SLC38A8: variants seen among roughly 807,000 people sequenced by gnomAD.
The protein encoded by SLC38A8 is solute carrier family 38 member 8, also known as amino acid transporter SLC38A8.
SLC38A8 carries 65 observed loss-of-function variants against 46.0 expected under a neutral mutation model. That is an observed-to-expected ratio of 1.41 (90% CI 1.16 to 1.74). The LOEUF is 1.74. Among genes scored for constraint, SLC38A8 ranks in the 40% most tolerant of loss-of-function variants. The pLI is 0.00. For synonymous variants in SLC38A8, 447 were observed against 243.7 expected (o/e 1.83, Z -7.77); for missense variants, 998 against 567.9 (o/e 1.76, Z -7.70).
chr16:84,015,932 G>C (rs1402565112), intron 9 of SLC38A8, among the ~76,000 whole-genome samples: 1 of 152,210 alleles, frequency 6.6e-6, no homozygotes, highest in African/African-American at 2.4e-5. Context: ...GCCTGCCTCG[G>C]CCTCCCAAAG....
intron 7 of SLC38A8, among the ~76,000 whole-genome samples, chr16:84,020,508 G>A (rs1003075186): frequency 7.9e-5 from 12 of 152,182 alleles, no homozygotes; most frequent in Non-Finnish European, 1.5e-4. Flanking sequence ...CTCGCTATCT[G>A]CCAGCCTGCA....
rs1321303002 is a variant in SLC38A8 at position 84,039,755 on chromosome 16, A to C, written c.189+2214T>G. Among the ~76,000 whole-genome samples, 6 of 123,996 alleles carry C rather than the reference A, an allele frequency of 4.8e-5. No homozygotes were observed. The East Asian group carries it at 9.8e-4, about 20-fold the overall frequency. The allele number at this position is 123,996 out of a possible 152,430, so 81.3% of individuals were successfully genotyped here. On this transcript the variant is annotated intron_variant, in intron 2 of 10. Coordinates refer to ENST00000299709, the MANE Select transcript of SLC38A8 (RefSeq NM_001080442.3). ...AGAGTGAGACCTTCAAAAAAAAAAAAAAAAAAAAAAAAAGGCAGGGGAAGG... is the reference window on the plus strand; with the variant it reads ...AGAGTGAGACCTTCAAAAAAAAAAACAAAAAAAAAAAAAGGCAGGGGAAGG...
intron 7 of SLC38A8, among the ~76,000 whole-genome samples, chr16:84,022,568 G>A (rs531031269): frequency 6.6e-5 from 10 of 152,286 alleles, no homozygotes; most frequent in Admixed American, 2.0e-4. Flanking sequence ...GTGAAACCTC[G>A]AACAAGTTCT....
intron 3 of SLC38A8, among the ~76,000 whole-genome samples, chr16:84,035,407 C>T (rs181401994): frequency 1.6e-4 from 25 of 152,330 alleles, no homozygotes; most frequent in Non-Finnish European, 8.8e-5. Context: ...AGAACACACA[C>T]ATGGCAAAAT....
intron 9 of SLC38A8, among the ~76,000 whole-genome samples, chr16:84,016,213 C>T (rs1010143129): frequency 6.6e-6 from 1 of 152,210 alleles, no homozygotes; most frequent in African/African-American, 2.4e-5. Flanking sequence ...GAACCATCCC[C>T]ATGATTCAAC....
In SLC38A8 at chr16:84,019,393, A is replaced by T. The variant is rs183115464; in HGVS notation, c.806-2106T>A. ...CCAGCCTCCAATATTTTTAACCCGAAATAATTAATGTACCAATTTGGCATA... is the reference window on the plus strand; with the variant it reads ...CCAGCCTCCAATATTTTTAACCCGATATAATTAATGTACCAATTTGGCATA... On this transcript the variant is annotated intron_variant, in intron 7 of 10. Coordinates refer to ENST00000299709, the MANE Select transcript of SLC38A8 (RefSeq NM_001080442.3). Among the ~76,000 whole-genome samples the T allele has an allele frequency of 6.1e-3, 922 of 152,206 alleles. 9 individuals carry two copies. The highest frequency in any genetic ancestry group is 1.0e-2 in the Non-Finnish European group (680 of 68,008).
intron 7 of SLC38A8, among the ~76,000 whole-genome samples, chr16:84,019,085 T>C (rs9926164): frequency 3.4e-5 from 5 of 147,568 alleles, no homozygotes; most frequent in African/African-American, 1.2e-4. Flanking sequence ...CCAAAAAAAA[T>C]TTTTTTTTTT....
chr16:84,029,270 C>G (rs2085207999), intron 6 of SLC38A8, among the ~76,000 whole-genome samples: 1 of 152,206 alleles, frequency 6.6e-6, no homozygotes, highest in African/African-American at 2.4e-5. Flanking sequence ...GCTGGATTCC[C>G]AAGTTCAAGG....
At chr16:84,011,928 G>A (rs1488129764) in intron 10 of SLC38A8, among the ~76,000 whole-genome samples, 1 of 152,132 alleles carries the variant, frequency 6.6e-6, no homozygotes, top group African/African-American at 2.4e-5. Flanking sequence ...GAGACGCAGA[G>A]ACACAGGGAG....
chr16:84,033,837 T>C (rs2151126578), intron 3 of SLC38A8, among the ~76,000 whole-genome samples: 1 of 152,274 alleles, frequency 6.6e-6, no homozygotes, highest in East Asian at 1.9e-4. Flanking sequence ...GGGCCTGAAG[T>C]CGATTTTTGG....
intron 6 of SLC38A8, among the ~76,000 whole-genome samples, chr16:84,024,200 T>C (rs1160834418): frequency 6.6e-6 from 1 of 152,172 alleles, no homozygotes. Context: ...TCTGTGGTGC[T>C]AGAAGGCAGG....
chr16:84,022,172 C>T (rs991565279), intron 7 of SLC38A8, among the ~76,000 whole-genome samples: 1 of 152,316 alleles, frequency 6.6e-6, no homozygotes, highest in Non-Finnish European at 1.5e-5. Context: ...GAGAGATTCA[C>T]TGCAGCCCAA....
At chr16:84,037,615 G>C (rs961249617) in intron 2 of SLC38A8, among the ~76,000 whole-genome samples, 8 of 151,944 alleles carry the variant, frequency 5.3e-5, no homozygotes, top group African/African-American at 1.9e-4. Flanking sequence ...ACAAAAATTA[G>C]CCAAGCATGG....
chr16:84,032,723 G>A (rs2085256912), intron 4 of SLC38A8, among the ~76,000 whole-genome samples: 1 of 152,222 alleles, frequency 6.6e-6, no homozygotes, highest in Admixed American at 6.5e-5. Context: ...TCTATACAAT[G>A]TCTATTGTTC....
At chr16:84,018,914 G>C (rs564760295) in intron 7 of SLC38A8, among the ~76,000 whole-genome samples, 2 of 152,044 alleles carry the variant, frequency 1.3e-5, no homozygotes, top group Non-Finnish European at 2.9e-5. Flanking sequence ...TTCAATAAGT[G>C]GATTTATTCA....
chr16:84,013,640 A>G (rs1295318103), intron 9 of SLC38A8, among the ~76,000 whole-genome samples: 2 of 151,706 alleles, frequency 1.3e-5, no homozygotes, highest in Non-Finnish European at 1.5e-5. Flanking sequence ...CATGTTGGTC[A>G]GGATGGTCTG....
chr16:84,013,847 G>T (rs1023685087), intron 9 of SLC38A8, among the ~76,000 whole-genome samples: 1 of 152,038 alleles, frequency 6.6e-6, no homozygotes, highest in African/African-American at 2.4e-5. Context: ...TCCCACCACA[G>T]GAAATAGCCA....
At chr16:84,042,279 TCC>T in intron 1 of SLC38A8, 120 bp from the exon 2 acceptor site, 1 of 1,092,852 alleles carries the variant, frequency 9.2e-7, no homozygotes, top group Non-Finnish European at 1.3e-6. Context: ...CCTGCCCGCT[TCC>T]TTGGCGTCAG....
intron 6 of SLC38A8, among the ~76,000 whole-genome samples, chr16:84,027,543 G>C (rs2085180177): frequency 6.6e-6 from 1 of 152,182 alleles, no homozygotes; most frequent in African/African-American, 2.4e-5. Context: ...TCAGGTCAGA[G>C]TTCCTGATGA....
Sources: allele counts gnomAD v4.1 joint callset (sites outside exome capture counted in the v4.1 genomes callset), GRCh38; gene constraint gnomAD v4.1.1; transcripts MANE v1.5; gene names NCBI Gene and HGNC (gene_info 2026-07-23, HGNC 2026-07-21).